Variants in LYPLAL1 observed in about 807,000 individuals in gnomAD.
The protein encoded by LYPLAL1 is lysophospholipase-like protein 1.
LYPLAL1 carries 23 observed loss-of-function variants against 19.7 expected under a neutral mutation model. The ratio of observed to expected loss-of-function variants is 1.17; its 90% CI spans 0.84 to 1.65. The LOEUF (loss-of-function observed/expected upper bound fraction) is 1.65. Ranked by LOEUF, LYPLAL1 falls within the 40% of genes most tolerant of loss-of-function variation. LYPLAL1 has a pLI of 0.00. For synonymous variants in LYPLAL1, 119 were observed against 96.3 expected (o/e 1.24, Z -1.38); for missense variants, 355 against 279.4 (o/e 1.27, Z -1.93).
chr1:219,230,892 C>T, the LYPLAL1 span, among the ~76,000 whole-genome samples: 2 of 152,228 alleles, frequency 1.3e-5, no homozygotes, highest in Non-Finnish European at 2.9e-5. Context: ...GGGCAGTTCT[C>T]CATCCAACAT....
chr1:219,220,484 G>T, the LYPLAL1 span, among the ~76,000 whole-genome samples: 1 of 152,094 alleles, frequency 6.6e-6, no homozygotes, highest in Non-Finnish European at 1.5e-5. Flanking sequence ...ATCATGCCCA[G>T]TAATTGTCAG....
the LYPLAL1 span, among the ~76,000 whole-genome samples, chr1:219,236,281 A>G: frequency 6.6e-6 from 1 of 152,200 alleles, no homozygotes; most frequent in Non-Finnish European, 1.5e-5. Flanking sequence ...AACAGTTATC[A>G]CACTTTGGTT....
At chr1:219,274,995 T>G in the LYPLAL1 span, among the ~76,000 whole-genome samples, 2 of 152,320 alleles carry the variant, frequency 1.3e-5, no homozygotes, top group South Asian at 4.1e-4. Context: ...GTCGTTCCTA[T>G]TGTCCCTTCA....
At chr1:219,231,397 C>T in the LYPLAL1 span, among the ~76,000 whole-genome samples, 8 of 152,112 alleles carry the variant, frequency 5.3e-5, no homozygotes, top group East Asian at 1.9e-4. Flanking sequence ...AGTCATTCTC[C>T]GGACTAAAAA....
At chr1:219,255,572 A>G in the LYPLAL1 span, among the ~76,000 whole-genome samples, 2 of 151,802 alleles carry the variant, frequency 1.3e-5, no homozygotes, top group Admixed American at 6.6e-5. Context: ...CTTCCTCTCC[A>G]ATTCCTATGC....
chr1:219,369,238 T>C, the LYPLAL1 span, among the ~76,000 whole-genome samples: 1 of 152,260 alleles, frequency 6.6e-6, no homozygotes, highest in Non-Finnish European at 1.5e-5. Flanking sequence ...AGTAGAATTT[T>C]ACTAACACCC....
At chr1:219,176,059 T>TA (rs1445999496) in intron 1 of LYPLAL1, among the ~76,000 whole-genome samples, 8 of 152,176 alleles carry the variant, frequency 5.3e-5, no homozygotes, top group African/African-American at 1.7e-4. Flanking sequence ...TGTTTTCAAA[T>TA]AAAAAACCTT....
At chr1:219,241,876 G>C in the LYPLAL1 span, among the ~76,000 whole-genome samples, 1 of 152,132 alleles carries the variant, frequency 6.6e-6, no homozygotes, top group Non-Finnish European at 1.5e-5. Flanking sequence ...ATGTTAACTG[G>C]AGTGAAGGTG....
chr1:219,363,356 T>C, the LYPLAL1 span, among the ~76,000 whole-genome samples: 7 of 152,122 alleles, frequency 4.6e-5, no homozygotes, highest in Non-Finnish European at 1.0e-4. Flanking sequence ...CCAAACACAG[T>C]ACGTAAAATA....
the LYPLAL1 span, among the ~76,000 whole-genome samples, chr1:219,420,939 A>T: frequency 8.8e-3 from 1,343 of 152,318 alleles, 14 homozygotes; most frequent in Middle Eastern, 0.024. Flanking sequence ...TTATTCTTAC[A>T]TCTTAGTTCT....
the LYPLAL1 span, chr1:219,409,522 A>C: frequency 0.53 from 81,028 of 151,898 alleles, 22,016 homozygotes; most frequent in East Asian, 0.81. Flanking sequence ...TGACACTGAG[A>C]TTTTGAAACT....
the LYPLAL1 span, among the ~76,000 whole-genome samples, chr1:219,258,842 A>G: frequency 6.6e-6 from 1 of 152,150 alleles, no homozygotes; most frequent in Non-Finnish European, 1.5e-5. Context: ...TAACCCACAG[A>G]GTGGGAGAAA....
intron 2 of LYPLAL1, among the ~76,000 whole-genome samples, chr1:219,187,685 A>G (rs1265117204): frequency 2.0e-5 from 3 of 151,736 alleles, no homozygotes; most frequent in Non-Finnish European, 4.4e-5. Flanking sequence ...TGTATTTTTC[A>G]GTAAATATGT....
the LYPLAL1 span, among the ~76,000 whole-genome samples, chr1:219,221,485 G>C: frequency 1.0e-3 from 155 of 152,300 alleles, no homozygotes; most frequent in Admixed American, 3.0e-3. Flanking sequence ...TGGAGTCTGA[G>C]TTGATCTTGC....
At chr1:219,326,549 G>A in the LYPLAL1 span, among the ~76,000 whole-genome samples, 3 of 152,070 alleles carry the variant, frequency 2.0e-5, no homozygotes, top group Admixed American at 6.6e-5. Flanking sequence ...TGGGATTCTT[G>A]ACTCGGGGTA....
At chr1:219,291,762 C>A in the LYPLAL1 span, among the ~76,000 whole-genome samples, 2 of 147,426 alleles carry the variant, frequency 1.4e-5, no homozygotes, top group South Asian at 2.2e-4. Context: ...CACAGGGTTA[C>A]AAATGCCTTC....
the LYPLAL1 span, among the ~76,000 whole-genome samples, chr1:219,347,400 T>C: frequency 6.6e-6 from 1 of 152,228 alleles, no homozygotes; most frequent in African/African-American, 2.4e-5. Context: ...ATACAAGAAC[T>C]GTTTAAGTCA....
At chr1:219,287,579 A>G in the LYPLAL1 span, among the ~76,000 whole-genome samples, 2 of 152,210 alleles carry the variant, frequency 1.3e-5, no homozygotes, top group African/African-American at 2.4e-5. Context: ...CAGATCACCA[A>G]CAGAGCACCA....
At chr1:219,377,769 G>T in the LYPLAL1 span, among the ~76,000 whole-genome samples, 1 of 151,532 alleles carries the variant, frequency 6.6e-6, no homozygotes, top group Non-Finnish European at 1.5e-5. Flanking sequence ...TTAATGACCC[G>T]ACTCTTACAT....
Sources: allele counts gnomAD v4.1 joint callset (sites outside exome capture counted in the v4.1 genomes callset), GRCh38; gene constraint gnomAD v4.1.1; transcripts MANE v1.5; gene names NCBI Gene and HGNC (gene_info 2026-07-23, HGNC 2026-07-21).